PLA2G12B: variants seen among roughly 807,000 people sequenced by gnomAD.
PLA2G12B encodes the protein group XIIB secretory phospholipase A2-like protein.
PLA2G12B carries 19 observed loss-of-function variants against 22.3 expected under a neutral mutation model. The ratio of observed to expected loss-of-function variants is 0.85; its 90% CI spans 0.60 to 1.25. The LOEUF (loss-of-function observed/expected upper bound fraction) is 1.25. Among genes scored for constraint, PLA2G12B ranks in the 50% most tolerant of loss-of-function variants. The pLI is 0.00. For missense variants in PLA2G12B, 191 were observed against 246.6 expected (o/e 0.77, Z 1.51); for synonymous variants, 81 against 94.9 (o/e 0.85, Z 0.85).
intron 1 of PLA2G12B, among the ~76,000 whole-genome samples, chr10:72,953,306 C>T (rs767647077): frequency 2.6e-5 from 4 of 152,192 alleles, no homozygotes; most frequent in African/African-American, 4.8e-5. Flanking sequence ...TTAACCATTA[C>T]CTCCTAGTCA....
chr10:72,941,564 T>C (rs890111411), intron 2 of PLA2G12B, among the ~76,000 whole-genome samples: 1 of 152,210 alleles, frequency 6.6e-6, no homozygotes, highest in Admixed American at 6.5e-5. Context: ...TGGCCATTTT[T>C]CACCTTTTGT....
chr10:72,940,435 G>A (rs1846341291), intron 3 of PLA2G12B, among the ~76,000 whole-genome samples: 1 of 151,886 alleles, frequency 6.6e-6, no homozygotes. Flanking sequence ...TCCTTGCTGG[G>A]CGCGGTGGCT....
chr10:72,945,730 C>T (rs187889200), intron 1 of PLA2G12B, among the ~76,000 whole-genome samples: 351 of 152,028 alleles, frequency 2.3e-3, no homozygotes, highest in African/African-American at 8.1e-3. Context: ...TCACCGCAAT[C>T]TCTGCCTCCC....
chr10:72,935,800 G>A, intron 3 of PLA2G12B, 62 bp from the exon 4 acceptor site: 11 of 1,559,712 alleles, frequency 7.1e-6, no homozygotes, highest in Non-Finnish European at 9.6e-6. Context: ...AGTATTTCCA[G>A]GCATGACATG....
rs536766381 is a variant in PLA2G12B, at chr10:72,943,245, C to T, written c.212-505G>A. On this transcript the variant is annotated intron_variant, in intron 1 of 3. Coordinates refer to ENST00000373032, the MANE Select transcript of PLA2G12B (RefSeq NM_032562.5). ...CCTCCCAAAGTGCTGGGATTACAGG[C>T]GTGAGCCACCACACCCAATAAGCAC... 2.2e-4 allele frequency among the ~76,000 whole-genome samples: 33 copies of T among 152,288 alleles called. 1 individual carries two copies. Among genetic ancestry groups the T allele is most frequent in the African/African-American group, 7.7e-4 (32 of 41,570 alleles).
chr10:72,937,315 ACTG>A (rs1461626699), intron 3 of PLA2G12B, among the ~76,000 whole-genome samples: 1 of 152,234 alleles, frequency 6.6e-6, no homozygotes, highest in Non-Finnish European at 1.5e-5. Context: ...AAAGACGTGA[ACTG>A]CTGAAACTGA....
intron 1 of PLA2G12B, among the ~76,000 whole-genome samples, chr10:72,947,846 C>T (rs1300786784): frequency 6.6e-6 from 1 of 152,172 alleles, no homozygotes; most frequent in Non-Finnish European, 1.5e-5. Flanking sequence ...GGGCCTTCTT[C>T]CTGGCTTGCA....
At position 72,942,692 on chromosome 10, in the gene PLA2G12B, C is replaced by G; in HGVS notation, c.260G>C (p.Gly87Ala). Residue 87 changes from glycine to alanine, a missense_variant, in exon 2 of 4, where the codon GGC becomes GCC. Transcript: ENST00000373032. ...RPGYKPQEPNGCGSYFLGLKV... is the reference protein window; with the variant it reads ...RPGYKPQEPNACGSYFLGLKV... ...GAGACCCAGGAAATAGGAGCCGCAG[C>G]CATTGGGCTCTTGGGGCTTGTAGCC... The G allele has an allele frequency of 6.2e-7, 1 of 1,608,526 alleles. No homozygotes were observed. Among genetic ancestry groups the G allele is most frequent in the South Asian group, 1.1e-5 (1 of 89,564 alleles).
intron 2 of PLA2G12B, among the ~76,000 whole-genome samples, chr10:72,942,371 T>G (rs897706984): frequency 5.9e-5 from 9 of 152,254 alleles, no homozygotes; most frequent in Middle Eastern, 3.4e-3. Flanking sequence ...CAGATCTATC[T>G]CAAATTAAGT....
chr10:72,949,748 AG>A (rs1368761108), intron 1 of PLA2G12B, among the ~76,000 whole-genome samples: 1 of 152,138 alleles, frequency 6.6e-6, no homozygotes, highest in Non-Finnish European at 1.5e-5. Context: ...GAGGCCCAGC[AG>A]GGGGATCACC....
At chr10:72,945,223 G>T (rs142143911) in intron 1 of PLA2G12B, among the ~76,000 whole-genome samples, 1 of 152,272 alleles carries the variant, frequency 6.6e-6, no homozygotes, top group East Asian at 1.9e-4. Context: ...CCCAGGAGTG[G>T]TCTGTGTGAC....
At chr10:72,945,234 C>T (rs555806397) in intron 1 of PLA2G12B, among the ~76,000 whole-genome samples, 1 of 152,158 alleles carries the variant, frequency 6.6e-6, no homozygotes, top group East Asian at 1.9e-4. Flanking sequence ...TCTGTGTGAC[C>T]CAGAGAATAC....
At chr10:72,953,722 T>C (rs1182608333) in intron 1 of PLA2G12B, among the ~76,000 whole-genome samples, 2 of 152,036 alleles carry the variant, frequency 1.3e-5, no homozygotes, top group African/African-American at 2.4e-5. Flanking sequence ...GTGTGCACCT[T>C]ATATCTGTGT....
At chr10:72,935,784 T>A in intron 3 of PLA2G12B, 46 bp from the exon 4 acceptor site, 2 of 1,595,214 alleles carry the variant, frequency 1.3e-6, no homozygotes, top group South Asian at 2.3e-5. Flanking sequence ...CTGAGTAATT[T>A]TGAAGAGTAT....
chr10:72,937,810 G>A (rs1372481182), intron 3 of PLA2G12B, among the ~76,000 whole-genome samples: 2 of 152,116 alleles, frequency 1.3e-5, no homozygotes, highest in African/African-American at 2.4e-5. Flanking sequence ...TGCAGAAAAA[G>A]CATTTGAAAA....
chr10:72,944,269 T>C (rs1846407549), intron 1 of PLA2G12B, among the ~76,000 whole-genome samples: 1 of 152,224 alleles, frequency 6.6e-6, no homozygotes, highest in African/African-American at 2.4e-5. Flanking sequence ...TTTAATTAAA[T>C]GTGACAGTTC....
chr10:72,946,535 T>C (rs1006798040), intron 1 of PLA2G12B, among the ~76,000 whole-genome samples: 1 of 152,224 alleles, frequency 6.6e-6, no homozygotes, highest in Non-Finnish European at 1.5e-5. Context: ...TTTTCCAAAG[T>C]GGCTGCACCA....
intron 1 of PLA2G12B, among the ~76,000 whole-genome samples, chr10:72,946,834 C>G (rs901906175): frequency 2.0e-5 from 3 of 151,786 alleles, no homozygotes; most frequent in East Asian, 1.9e-4. Flanking sequence ...ATTTTGGAAG[C>G]CTTGTCAATT....
intron 1 of PLA2G12B, among the ~76,000 whole-genome samples, chr10:72,945,653 GT>G (rs113655052): frequency 0.19 from 27,581 of 146,598 alleles, 5,469 homozygotes; most frequent in African/African-American, 0.5. Context: ...CCATTATGAT[GT>G]TTTTTTTTTT....
Sources: allele counts gnomAD v4.1 joint callset (sites outside exome capture counted in the v4.1 genomes callset), GRCh38; gene constraint gnomAD v4.1.1; transcripts MANE v1.5; gene names NCBI Gene and HGNC (gene_info 2026-07-23, HGNC 2026-07-21).